C1orf198: variants seen among roughly 807,000 people sequenced by gnomAD.
C1orf198 encodes the protein chromosome 1 open reading frame 198.
Under a neutral mutation model 31.4 loss-of-function variants are expected in C1orf198, and 17 were observed. The ratio of observed to expected loss-of-function variants is 0.54; its 90% CI spans 0.37 to 0.81. C1orf198 has a LOEUF of 0.81. Ranked by LOEUF, C1orf198 falls within the 40% of genes least tolerant of loss-of-function variation. The pLI is 0.00. For synonymous variants in C1orf198, 175 were observed against 193.8 expected, an observed-to-expected ratio of 0.90 and a Z score of 0.81; for missense variants, 401 against 450.3, an observed-to-expected ratio of 0.89 and a Z score of 0.99.
intron 3 of C1orf198, among the ~76,000 whole-genome samples, chr1:230,842,771 C>T (rs1260647496): frequency 6.6e-6 from 1 of 151,686 alleles, no homozygotes; most frequent in Non-Finnish European, 1.5e-5. Flanking sequence ...AAAAGAGTGA[C>T]CCACAAGAAC....
At chr1:230,845,639 C>T (rs1669568486) in intron 2 of C1orf198, among the ~76,000 whole-genome samples, 1 of 151,714 alleles carries the variant, frequency 6.6e-6, no homozygotes, top group Non-Finnish European at 1.5e-5. Context: ...GCCAAGATCA[C>T]GTCATTGCAC....
rs1329090463 is a variant in C1orf198 at position 230,860,534 on chromosome 1, A to G, written c.334-4816T>C. Among the ~76,000 whole-genome samples, 5 of 152,240 alleles carry G rather than the reference A, an allele frequency of 3.3e-5. No individual in the cohort carries two copies. The South Asian group carries it at 8.3e-4, about 25-fold the overall frequency. On this transcript the variant is annotated intron_variant, in intron 1 of 3. Transcript: ENST00000366663. ...AATGGAATATTATTCAGTCTTAAAA[A>G]GGAAGGAAATTCTGATACATGCTTC...
intron 3 of C1orf198, among the ~76,000 whole-genome samples, chr1:230,841,798 A>T (rs1001003295): frequency 6.6e-6 from 1 of 152,250 alleles, no homozygotes. Flanking sequence ...AGGAGAAGGG[A>T]AAGCAGGGGC....
intron 3 of C1orf198, among the ~76,000 whole-genome samples, chr1:230,841,581 G>A (rs750815380): frequency 2.0e-5 from 3 of 152,176 alleles, no homozygotes; most frequent in South Asian, 4.1e-4. Context: ...TCTAAACCAC[G>A]GTGAGACACC....
chr1:230,865,341 G>A (rs907415397), intron 1 of C1orf198, among the ~76,000 whole-genome samples: 12 of 152,218 alleles, frequency 7.9e-5, no homozygotes, highest in African/African-American at 2.9e-4. Flanking sequence ...GGTGGCTGTG[G>A]GAAGGGGCCG....
At chr1:230,848,919 C>T (rs536774550) in intron 2 of C1orf198, among the ~76,000 whole-genome samples, 12 of 152,300 alleles carry the variant, frequency 7.9e-5, no homozygotes, top group Admixed American at 6.5e-5. Context: ...AAGCCCATCT[C>T]TCAGGAACTG....
chr1:230,862,292 C>T (rs1670021576), intron 1 of C1orf198, among the ~76,000 whole-genome samples: 1 of 152,232 alleles, frequency 6.6e-6, no homozygotes, highest in Admixed American at 6.5e-5. Flanking sequence ...CCATGCACAA[C>T]TGTGCTTCTG....
At position 230,845,216 on chromosome 1, in the gene C1orf198, T is replaced by TAAAAAAAAAAA. The variant is rs11355270; in HGVS notation, c.385-1331_385-1321dup. 1.8e-3 allele frequency among the ~76,000 whole-genome samples: 206 copies of TAAAAAAAAAAA among 117,016 alleles called. 2 individuals are homozygous for TAAAAAAAAAAA. The East Asian group carries it at 0.047, about 27-fold the overall frequency. 76.8% of individuals were successfully genotyped at this position (117,016 alleles called of 152,430 possible). A position where few individuals can be genotyped will look rare whatever the true frequency, so the allele number is the denominator to read the frequency against. On this transcript the variant is annotated intron_variant, in intron 2 of 3. Coordinates refer to ENST00000366663, the MANE Select transcript of C1orf198 (RefSeq NM_032800.3). Reference sequence around the variant, plus strand: ...CTTCTCTACTAAAAATTAAAAAAATTAAAAAAAAAAAAAAAAAAGGCCAGG... The same window carrying TAAAAAAAAAAA: ...CTTCTCTACTAAAAATTAAAAAAATTAAAAAAAAAAAAAAAAAAAAAAAAAAAAAGGCCAGG...
At chr1:230,864,058 T>C (rs190428767) in intron 1 of C1orf198, among the ~76,000 whole-genome samples, 1 of 152,332 alleles carries the variant, frequency 6.6e-6, no homozygotes, top group East Asian at 1.9e-4. Flanking sequence ...TCATTGGTCC[T>C]GCATTGAGAG....
intron 1 of C1orf198, among the ~76,000 whole-genome samples, chr1:230,859,301 A>G (rs1036465008): frequency 1.3e-5 from 2 of 152,154 alleles, no homozygotes; most frequent in African/African-American, 4.8e-5. Context: ...GGCCAGGCAC[A>G]TGCTTTTGGA....
At chr1:230,862,992 A>T (rs1280707121) in intron 1 of C1orf198, among the ~76,000 whole-genome samples, 1 of 152,236 alleles carries the variant, frequency 6.6e-6, no homozygotes, top group East Asian at 1.9e-4. Context: ...GCTCTAAAAA[A>T]TTAAGTCTAT....
chr1:230,869,296 G>A (rs1171258753), upstream of C1orf198: 1 of 152,216 alleles, frequency 6.6e-6, no homozygotes, highest in Non-Finnish European at 1.5e-5. Context: ...TTGGCAGTTC[G>A]ACGTTTGCAA....
intron 3 of C1orf198, among the ~76,000 whole-genome samples, chr1:230,841,740 A>G (rs547925250): frequency 1.7e-4 from 26 of 152,174 alleles, no homozygotes; most frequent in Non-Finnish European, 2.2e-4. Context: ...AAAAAGTAGA[A>G]ATAGAACCAC....
upstream of C1orf198, chr1:230,868,673 C>T (rs1423505396): frequency 4.7e-6 from 2 of 423,344 alleles, no homozygotes; most frequent in Non-Finnish European, 6.6e-6. Flanking sequence ...GCCCCGGGAC[C>T]CCGGCCCTCC....
rs887792290 is a variant in C1orf198 at position 230,843,089 on chromosome 1, G to A, written c.927+265C>T. On this transcript the variant is annotated intron_variant, in intron 3 of 3. Transcript: ENST00000366663. This position sits in a 1 kb window ranked among gnomAD's most constrained non-coding sequence, Gnocchi z 4.9. ...CAGGGGCCTCTTCTGATAGCAGCCC[G>A]CGCACTGGGGAAAGCGCAGTGGGCC... is the stretch of plus-strand genomic sequence containing the variant. Among the ~76,000 whole-genome samples the A allele has an allele frequency of 7.2e-5, 11 of 152,264 alleles. No homozygotes were observed. The highest frequency in any genetic ancestry group is 1.9e-4 in the East Asian group (1 of 5,198).
intron 2 of C1orf198, among the ~76,000 whole-genome samples, chr1:230,850,618 A>G (rs1204514920): frequency 6.6e-6 from 1 of 152,090 alleles, no homozygotes; most frequent in Non-Finnish European, 1.5e-5. Flanking sequence ...GGGAAAGGCC[A>G]AGAGCAGGGG....
chr1:230,846,139 A>G (rs1274372557), intron 2 of C1orf198, among the ~76,000 whole-genome samples: 1 of 152,262 alleles, frequency 6.6e-6, no homozygotes, highest in Non-Finnish European at 1.5e-5. Flanking sequence ...TTCTTTAGAC[A>G]GATTTCTAGA....
At chr1:230,841,787 C>T (rs1240495666) in intron 3 of C1orf198, among the ~76,000 whole-genome samples, 1 of 152,160 alleles carries the variant, frequency 6.6e-6, no homozygotes, top group Non-Finnish European at 1.5e-5. Flanking sequence ...GGTATGCACC[C>T]AGGAGAAGGG....
intron 2 of C1orf198, among the ~76,000 whole-genome samples, chr1:230,851,455 G>T (rs112784031): frequency 2.0e-5 from 3 of 152,142 alleles, no homozygotes; most frequent in African/African-American, 7.2e-5. Context: ...AGCCCAGACC[G>T]CCTGGGGAAT....
Sources: gnomAD v4.1 joint callset for allele counts (sites outside exome capture counted in the v4.1 genomes callset) on GRCh38, gnomAD v4.1.1 for gene constraint, Gnocchi (gnomAD v3.1) non-coding constraint, MANE v1.5 for transcripts, NCBI Gene and HGNC (gene_info 2026-07-23, HGNC 2026-07-21) for gene names.